Variants in NOC3L observed in about 807,000 individuals in gnomAD.
The protein encoded by NOC3L is nucleolar complex protein 3 homolog.
Under a neutral mutation model 102.5 loss-of-function variants are expected in NOC3L, and 85 were observed. The ratio of observed to expected loss-of-function variants is 0.83; its 90% confidence interval spans 0.70 to 0.99. The LOEUF (loss-of-function observed/expected upper bound fraction) is 0.99, where lower values mean the gene tolerates loss of function less well. Among genes scored for constraint, NOC3L ranks in the 50% least tolerant of loss-of-function variants. NOC3L has a pLI of 0.00. For synonymous variants in NOC3L, 303 were observed against 309.4 expected (o/e 0.98, Z 0.22); for missense variants, 878 against 914.9 (o/e 0.96, Z 0.52).
At position 94,341,696 on chromosome 10, in the gene NOC3L, G is replaced by C. The variant is rs2054287721; in HGVS notation, c.1621C>G (p.Leu541Val). 1 of 1,554,592 alleles carries C rather than the reference G, an allele frequency of 6.4e-7. No individual in the cohort carries two copies. The highest frequency in any genetic ancestry group is 2.3e-5 in the East Asian group (1 of 43,050). ...ACACCAGACTCAATGAGAGTATGAA[G>C]AACTACTAACAGATCATCAAAAAAT... is the stretch of plus-strand genomic sequence containing the variant. Reference protein sequence around the residue: ...VEFFDDLLVVLHTLIESGDLS... With the variant: ...VEFFDDLLVVVHTLIESGDLS... Residue 541 changes from leucine to valine, a missense_variant, in exon 14 of 21, where the codon CTT becomes GTT. Transcript: ENST00000371361.
intron 9 of NOC3L, among the ~76,000 whole-genome samples, chr10:94,349,664 G>A (rs780242478): frequency 1.6e-4 from 25 of 152,100 alleles, no homozygotes; most frequent in Admixed American, 4.6e-4. Flanking sequence ...GATAGACAGT[G>A]TTTAATAAAT....
In NOC3L at chr10:94,362,901, C is replaced by A; in HGVS notation, c.-63G>T. 2 of 1,613,612 alleles carry A rather than the reference C, an allele frequency of 1.2e-6. No homozygotes were observed. Among genetic ancestry groups the A allele is most frequent in the African/African-American group, 2.7e-5 (2 of 75,016 alleles). On this transcript the variant is annotated 5_prime_UTR_variant, in exon 1 of 21. Transcript: ENST00000371361. ...CCAGAAGCAGGGTTACTACAGAAAT[C>A]CCGGGGAATGACACACGTGCCGAAG...
chr10:94,334,049 C>G lies in NOC3L; in HGVS notation c.*128G>C, dbSNP rs1424514606. Reference sequence around the variant, plus strand: ...TGTGCCATGCAAAGGGTCATTCTTCCTCTTCTTCCTAGACATTCTTAGGAA... The same window carrying G: ...TGTGCCATGCAAAGGGTCATTCTTCGTCTTCTTCCTAGACATTCTTAGGAA... On this transcript the variant is annotated 3_prime_UTR_variant, in exon 21 of 21. Coordinates refer to ENST00000371361, the MANE Select transcript of NOC3L (RefSeq NM_022451.11). 2.7e-5 allele frequency: 16 copies of G among 583,574 alleles called. No homozygotes were observed. The highest frequency in any genetic ancestry group is 4.5e-5 in the Non-Finnish European group (15 of 329,706). 36.1% of individuals were successfully genotyped at this position (583,574 alleles called of 1,614,324 possible).
At chr10:94,346,161 T>C (rs538259145) in intron 11 of NOC3L, among the ~76,000 whole-genome samples, 20 of 152,314 alleles carry the variant, frequency 1.3e-4, no homozygotes, top group Admixed American at 2.0e-4. Flanking sequence ...TAACTCTAAA[T>C]TGATCTAAAA....
At chr10:94,315,394 G>A in the NOC3L span, 3 of 455,892 alleles carry the variant, frequency 6.6e-6, no homozygotes, top group Non-Finnish European at 1.3e-5. Context: ...CTTCTCACGG[G>A]AAGGCAACAA....
chr10:94,358,032 GTTT>G (rs1352761837), intron 3 of NOC3L, 48 bp downstream of exon 3: 1 of 1,266,116 alleles, frequency 7.9e-7, no homozygotes, highest in African/African-American at 1.5e-5. Context: ...TCAGAACCAA[GTTT>G]TTAACACTAA....
intron 5 of NOC3L, 33 bp from the exon 6 acceptor site, chr10:94,355,126 C>T: frequency 3.2e-6 from 5 of 1,575,128 alleles, no homozygotes; most frequent in Non-Finnish European, 4.3e-6. Context: ...TTACATATTC[C>T]TCTGCTTACA....
In NOC3L at chr10:94,338,631, G is replaced by T. The variant is rs938866977; in HGVS notation, c.2068C>A (p.Leu690Met). ...PEYCNAQNTA[L>M]WELHALRRHY... ...ACCCGCAGAGCATGCAGTTCCCACA[G>T]AGCAGTGTTCTGAGCATTGCAGTAC... The change falls in exon 18 of 21, where the codon CTG (leucine) becomes ATG (methionine). Residue 690 changes from leucine to methionine, a missense_variant. Coordinates refer to ENST00000371361, the MANE Select transcript of NOC3L (RefSeq NM_022451.11). 2 of 1,596,258 alleles carry T rather than the reference G, an allele frequency of 1.3e-6. No individual in the cohort carries two copies. The highest frequency in any genetic ancestry group is 1.3e-5 in the African/African-American group (1 of 74,824).
In NOC3L at chr10:94,344,442, A is replaced by G; in HGVS notation, c.1544T>C (p.Leu515Pro). Residue 515 changes from leucine (L) to proline (P), a missense_variant, in exon 13 of 21, where the codon CTG (leucine) becomes CCG (proline). Transcript: ENST00000371361. The stretch of plus-strand genomic sequence containing the variant: ...GGCAAGACCTTCTAGAACTGCTGGC[A>G]GGAGAGGTGACCTCTGGGCCTTCTT... ...ILKKAQRSPL[L>P]PAVLEGLAKF... 1 of 1,613,442 alleles carries G rather than the reference A, an allele frequency of 6.2e-7. No individual in the cohort carries two copies. Among genetic ancestry groups the G allele is most frequent in the Admixed American group, 1.7e-5 (1 of 60,010 alleles).
chr10:94,321,890 T>C, the NOC3L span: 1 of 1,607,806 alleles, frequency 6.2e-7, no homozygotes, highest in South Asian at 1.1e-5. Flanking sequence ...ATTTTTTCTT[T>C]TTAAACATAG....
At chr10:94,361,562 C>A (rs1255439218) in intron 2 of NOC3L, 103 bp downstream of exon 2, 3 of 1,083,806 alleles carry the variant, frequency 2.8e-6, no homozygotes, top group African/African-American at 3.1e-5. Flanking sequence ...CTAGGAAGAT[C>A]TGAGAACAAG....
Position 94,340,430 on chromosome 10 carries a change from T to C in NOC3L, c.1708+3A>G. The C allele has an allele frequency of 1.4e-6, 2 of 1,401,462 alleles. No individual in the cohort carries two copies. Among genetic ancestry groups the C allele is most frequent in the Non-Finnish European group, 1.9e-6 (2 of 1,048,330 alleles). 86.8% of individuals were successfully genotyped at this position (1,401,462 alleles called of 1,614,324 possible). Reference sequence around the variant, plus strand: ...ACAAAACTTGATTAAGAAAATATCATACCTTGTCCAGAAAGAATATGAAAA... The same window carrying C: ...ACAAAACTTGATTAAGAAAATATCACACCTTGTCCAGAAAGAATATGAAAA... On this transcript the variant is annotated splice_donor_region_variant and intron_variant, in intron 15 of 20. Coordinates refer to ENST00000371361, the MANE Select transcript of NOC3L (RefSeq NM_022451.11).
At chr10:94,341,400 T>C (rs1233165079) in intron 14 of NOC3L, among the ~76,000 whole-genome samples, 2 of 150,940 alleles carry the variant, frequency 1.3e-5, no homozygotes, top group African/African-American at 2.4e-5. Context: ...ACATATACCC[T>C]GAAACCATGT....
chr10:94,328,004 T>C, the NOC3L span: 6 of 531,812 alleles, frequency 1.1e-5, no homozygotes, highest in Non-Finnish European at 1.9e-5. Context: ...AGAGTGAACA[T>C]GGTGGAAAAA....
chr10:94,340,739 C>T (rs996361109), intron 14 of NOC3L, among the ~76,000 whole-genome samples: 15 of 151,704 alleles, frequency 9.9e-5, no homozygotes, highest in South Asian at 2.1e-4. Flanking sequence ...CCCAGCACTT[C>T]AGGAGGCCGA....
intron 1 of NOC3L, among the ~76,000 whole-genome samples, chr10:94,362,592 A>G (rs954981715): frequency 9.9e-5 from 15 of 152,108 alleles, no homozygotes; most frequent in African/African-American, 3.4e-4. Flanking sequence ...AAATTCCTTC[A>G]AAGTATGAAA....
intron 6 of NOC3L, among the ~76,000 whole-genome samples, chr10:94,354,501 C>T (rs1360139729): frequency 6.6e-6 from 1 of 152,212 alleles, no homozygotes; most frequent in Admixed American, 6.5e-5. Context: ...CGACTATACA[C>T]ATGGCACAAT....
the NOC3L span, chr10:94,316,470 C>CCTAT: frequency 2.8e-5 from 25 of 896,562 alleles, no homozygotes; most frequent in African/African-American, 4.1e-4. Context: ...GCATAGCAAA[C>CCTAT]CTATCTGAAC....
chr10:94,314,914 T>C, the NOC3L span: 1 of 152,560 alleles, frequency 6.6e-6, no homozygotes, highest in Non-Finnish European at 1.5e-5. Context: ...CAGTTTGTTT[T>C]GGTTTTGTTT....
Sources: gnomAD v4.1 joint callset for allele counts (sites outside exome capture counted in the v4.1 genomes callset) on GRCh38, gnomAD v4.1.1 for gene constraint, MANE v1.5 for transcripts, NCBI Gene and HGNC (gene_info 2026-07-23, HGNC 2026-07-21) for gene names.